The following FYB2 variants were observed in gnomAD, a reference collection of about 807,000 sequenced individuals.
FYB2 encodes the protein FYN binding protein 2.
FYB2 carries 103 observed loss-of-function variants against 94.1 expected under a neutral mutation model. The ratio of observed to expected loss-of-function variants is 1.09; its 90% CI spans 0.93 to 1.29. The LOEUF (loss-of-function observed/expected upper bound fraction) is 1.29. FYB2 is among the 50% of genes most tolerant of loss of function. The pLI, the probability that FYB2 is intolerant of heterozygous loss-of-function variation, is 0.00. For synonymous variants in FYB2, 293 were observed against 287.9 expected (o/e 1.02, Z -0.18); for missense variants, 896 against 841.5 (o/e 1.06, Z -0.80).
At chr1:56,811,780 CAAAA>C (rs953395282) in intron 1 of FYB2, among the ~76,000 whole-genome samples, 5 of 150,096 alleles carry the variant, frequency 3.3e-5, no homozygotes, top group African/African-American at 1.0e-4. Flanking sequence ...AACAAACAAA[CAAAA>C]ACAGCAGCAA....
intron 4 of FYB2, among the ~76,000 whole-genome samples, chr1:56,780,779 C>T (rs1630004): frequency 0.48 from 73,448 of 151,928 alleles, 18,005 homozygotes; most frequent in Middle Eastern, 0.54. Flanking sequence ...AGTAAATTCA[C>T]TGCTCCTTGT....
chr1:56,789,028 C>T lies in FYB2; in HGVS notation c.864G>A (p.Val288=). The T allele has an allele frequency of 6.2e-7, 1 of 1,614,040 alleles. No individual in the cohort carries two copies. Among genetic ancestry groups the T allele is most frequent in the Non-Finnish European group, 8.5e-7 (1 of 1,179,950 alleles). ...GCTGCCTCTGAAAGGCCTGGAGGTT[C>T]ACGATGGGAGGTCTTGAAGGCTTTG... ...PPPKPSRPPI[V]NLQAFQRQPA... is the part of the protein sequence containing the mutation. The change falls in exon 3 of 20, where the codon GTG becomes GTA. Residue 288 remains valine (V), a synonymous_variant. Coordinates refer to ENST00000343433, the MANE Select transcript of FYB2 (RefSeq NM_001004303.5).
At chr1:56,762,205 C>T (rs1645512916) in intron 5 of FYB2, among the ~76,000 whole-genome samples, 1 of 152,150 alleles carries the variant, frequency 6.6e-6, no homozygotes, top group Non-Finnish European at 1.5e-5. Flanking sequence ...GGTATTCTAA[C>T]TCCTTTGCCT....
chr1:56,752,318 G>A (rs1018117690), intron 8 of FYB2, among the ~76,000 whole-genome samples: 2 of 151,972 alleles, frequency 1.3e-5, no homozygotes, highest in African/African-American at 4.8e-5. Flanking sequence ...ACGAGACCCT[G>A]GAGAGAGAGA....
At chr1:56,782,418 C>T (rs1325320636) in intron 4 of FYB2, among the ~76,000 whole-genome samples, 2 of 151,978 alleles carry the variant, frequency 1.3e-5, no homozygotes, top group African/African-American at 4.8e-5. Context: ...TACTTGAAGG[C>T]CTTTGATAAG....
chr1:56,742,307 T>C (rs1363825889), intron 11 of FYB2, 86 bp from the exon 12 acceptor site: 3 of 971,828 alleles, frequency 3.1e-6, no homozygotes, highest in Non-Finnish European at 4.6e-6. Context: ...AGATACTTAC[T>C]AGATGCTAGG....
At chr1:56,808,351 A>G (rs1403439497) in intron 1 of FYB2, among the ~76,000 whole-genome samples, 1 of 152,170 alleles carries the variant, frequency 6.6e-6, no homozygotes, top group Non-Finnish European at 1.5e-5. Flanking sequence ...AAATGCAACT[A>G]AAGGGTGTTT....
chr1:56,791,654 G>A (rs185766597), intron 2 of FYB2, among the ~76,000 whole-genome samples: 1 of 152,262 alleles, frequency 6.6e-6, no homozygotes, highest in East Asian at 1.9e-4. Flanking sequence ...GGGAGGAGAA[G>A]GGAAATAGAG....
chr1:56,791,973 C>A (rs549796011), intron 2 of FYB2, 83 bp downstream of exon 2: 10 of 1,500,098 alleles, frequency 6.7e-6, no homozygotes, highest in Admixed American at 2.3e-5. Flanking sequence ...ATATACATAA[C>A]CACTCTGAAT....
intron 8 of FYB2, among the ~76,000 whole-genome samples, chr1:56,751,636 T>A (rs563341296): frequency 2.6e-5 from 4 of 152,166 alleles, no homozygotes; most frequent in Admixed American, 6.5e-5. Context: ...GGATGCTATG[T>A]ATTCCTTTTC....
At chr1:56,798,791 T>C (rs61765530) in intron 1 of FYB2, among the ~76,000 whole-genome samples, 3,909 of 152,288 alleles carry the variant, frequency 0.026, 81 homozygotes, top group Non-Finnish European at 0.042. Flanking sequence ...ATCGAGGGCC[T>C]ATGTGACTTG....
intron 1 of FYB2, among the ~76,000 whole-genome samples, chr1:56,810,175 A>C (rs374742826): frequency 4.3e-4 from 65 of 152,240 alleles, no homozygotes; most frequent in African/African-American, 1.3e-3. Context: ...ATATGTTCAG[A>C]ATTAATCAAC....
intron 1 of FYB2, among the ~76,000 whole-genome samples, chr1:56,812,486 C>T (rs1199963390): frequency 6.6e-6 from 1 of 152,136 alleles, no homozygotes. Context: ...GTAAAACCAC[C>T]ACTTTTTCCA....
intron 11 of FYB2, among the ~76,000 whole-genome samples, 199 bp from the exon 12 acceptor site, chr1:56,742,420 A>T (rs1644977041): frequency 6.6e-6 from 1 of 152,098 alleles, no homozygotes; most frequent in South Asian, 2.1e-4. Context: ...AGTATGTATA[A>T]ATGAAAATTA....
At chr1:56,761,029 G>C (rs188718856) in intron 5 of FYB2, among the ~76,000 whole-genome samples, 23 of 152,210 alleles carry the variant, frequency 1.5e-4, no homozygotes, top group African/African-American at 4.3e-4. Flanking sequence ...CCACTGATTA[G>C]TTTTATTGTG....
intron 5 of FYB2, among the ~76,000 whole-genome samples, chr1:56,759,738 G>A (rs1645443415): frequency 6.6e-6 from 1 of 152,010 alleles, no homozygotes; most frequent in Non-Finnish European, 1.5e-5. Context: ...TATAAAAATT[G>A]ACCAATTGGT....
intron 1 of FYB2, among the ~76,000 whole-genome samples, chr1:56,794,102 AT>A (rs1444243563): frequency 6.6e-6 from 1 of 152,190 alleles, no homozygotes; most frequent in Non-Finnish European, 1.5e-5. Context: ...ACGCTCTTGC[AT>A]TTTTAACTCC....
chr1:56,796,347 C>T (rs1202057455), intron 1 of FYB2, among the ~76,000 whole-genome samples: 2 of 152,086 alleles, frequency 1.3e-5, no homozygotes, highest in African/African-American at 4.8e-5. Context: ...CCATAGGGTC[C>T]TTCTGGTTAA....
intron 16 of FYB2, among the ~76,000 whole-genome samples, chr1:56,725,310 TCTTA>T (rs1203082637): frequency 1.3e-5 from 2 of 152,100 alleles, no homozygotes; most frequent in African/African-American, 4.8e-5. Context: ...AACTAATACT[TCTTA>T]CTTACTGTTA....
Sources: allele counts gnomAD v4.1 joint callset (sites outside exome capture counted in the v4.1 genomes callset), GRCh38; gene constraint gnomAD v4.1.1; transcripts MANE v1.5; gene names NCBI Gene and HGNC (gene_info 2026-07-23, HGNC 2026-07-21).